Variants in SLC15A4 observed in about 807,000 individuals in gnomAD.
SLC15A4 encodes the protein solute carrier family 15 member 4.
SLC15A4 carries 26 observed loss-of-function variants against 46.1 expected under a neutral mutation model. That is an observed-to-expected ratio of 0.56 (90% CI 0.41 to 0.78). The LOEUF (loss-of-function observed/expected upper bound fraction) is 0.78. Among genes scored for constraint, SLC15A4 ranks in the 30% least tolerant of loss-of-function variants. The pLI is 0.00. For missense variants in SLC15A4, 751 were observed against 755.7 expected (o/e 0.99, Z 0.07); for synonymous variants, 370 against 333.4 (o/e 1.11, Z -1.20).
intron 1 of SLC15A4, among the ~76,000 whole-genome samples, chr12:128,817,906 G>A (rs1480306086): frequency 1.3e-5 from 2 of 152,156 alleles, no homozygotes; most frequent in Non-Finnish European, 2.9e-5. Context: ...CACTGTGTGA[G>A]CTGCAGCTAC....
chr12:128,802,697 C>CTTAT (rs1269510677), intron 5 of SLC15A4, among the ~76,000 whole-genome samples: 1 of 152,012 alleles, frequency 6.6e-6, no homozygotes, highest in East Asian at 1.9e-4. Flanking sequence ...GAGAACTTGT[C>CTTAT]TTATTATTCA....
chr12:128,805,246 G>A (rs1182638385), intron 5 of SLC15A4, among the ~76,000 whole-genome samples: 2 of 152,122 alleles, frequency 1.3e-5, no homozygotes, highest in Non-Finnish European at 2.9e-5. Flanking sequence ...ACTTAACTGT[G>A]AGCTACTAGT....
At position 128,796,450 on chromosome 12, in the gene SLC15A4, AAAAAAAAACC is replaced by A. The variant is rs1566043617; in HGVS notation, c.1574-2104_1574-2095del. On this transcript the variant is annotated intron_variant, in intron 7 of 7. Transcript: ENST00000266771. ...ATCTCAAAAAAAAAAAAAAAAAAAA[AAAAAAAAACC>A]CACACATCTGTATGGTGAGATCTCA... 2.0e-4 allele frequency among the ~76,000 whole-genome samples: 8 copies of A among 40,286 alleles called. 1 individual carries two copies. The South Asian group carries it at 4.8e-3, about 24-fold the overall frequency. 26.4% of individuals were successfully genotyped at this position (40,286 alleles called of 152,430 possible).
intron 7 of SLC15A4, among the ~76,000 whole-genome samples, chr12:128,797,650 C>G (rs922527075): frequency 6.6e-6 from 1 of 152,178 alleles, no homozygotes; most frequent in Non-Finnish European, 1.5e-5. Flanking sequence ...GTGTCGGTCA[C>G]GAGATGGTGA....
rs1009362377 is a variant in SLC15A4 at position 128,823,797 on chromosome 12, G to C, written c.147C>G (p.Ala49=). ...AVLLTELLER[A]AFYGITSNLV... is the part of the protein sequence containing the mutation. ...GGTTGGACGTGATGCCGTAGAAAGC[G>C]GCGCGCTCCAGCAGCTCCGTCAGCA... Residue 49 remains alanine, a synonymous_variant, in exon 1 of 8, where the codon GCC becomes GCG. Coordinates refer to ENST00000266771, the MANE Select transcript of SLC15A4 (RefSeq NM_145648.4). 6.7e-7 allele frequency: 1 copy of C among 1,502,498 alleles called. No individual in the cohort carries two copies. The highest frequency in any genetic ancestry group is 2.1e-5 in the Admixed American group (1 of 48,610). The allele number at this position is 1,502,498 out of a possible 1,614,324, so 93.1% of individuals were successfully genotyped here.
rs1196083607 is a variant in SLC15A4, at chr12:128,823,464, C to T, written c.480G>A (p.Gly160=). 2.7e-6 allele frequency: 4 copies of T among 1,481,060 alleles called. No homozygotes were observed. Among genetic ancestry groups the T allele is most frequent in the Non-Finnish European group, 2.7e-6 (3 of 1,122,940 alleles). 91.7% of individuals were successfully genotyped at this position (1,481,060 alleles called of 1,614,324 possible). A position where few individuals can be genotyped will look rare whatever the true frequency, so the allele number is the denominator to read the frequency against. The change falls in exon 1 of 8, where the codon GGG becomes GGA. Residue 160 remains glycine (G), a synonymous_variant. Coordinates refer to ENST00000266771, the MANE Select transcript of SLC15A4 (RefSeq NM_145648.4). ...ARCCSPATFA[G]LVLVGLGVAT... is the part of the protein sequence containing the mutation. ...CCACGCCCAGGCCCACCAGCACCAG[C>T]CCCGCGAAGGTGGCCGGTGAGCAGC...
chr12:128,797,888 C>A (rs534342291), intron 7 of SLC15A4, among the ~76,000 whole-genome samples: 1 of 152,180 alleles, frequency 6.6e-6, no homozygotes, highest in African/African-American at 2.4e-5. Context: ...GCCATGCAGC[C>A]AGGGGGCACA....
intron 1 of SLC15A4, chr12:128,815,391 TA>T (rs577407819): frequency 9.8e-5 from 28 of 285,152 alleles, no homozygotes; most frequent in Non-Finnish European, 1.7e-4. Context: ...GAATGCTCTT[TA>T]AAAACAGAGT....
chr12:128,809,464 T>C lies in SLC15A4; in HGVS notation c.1021A>G (p.Thr341Ala), dbSNP rs2135713894. ...AAATGAAGACTCTGTAAAACATATG[T>C]TGTCTGCATCTAGGTATAAAAAACA... ...YWTVYFQMQT[T>A]YVLQSLHLRI... is the part of the protein sequence containing the mutation. Residue 341 changes from threonine to alanine, a missense_variant, in exon 4 of 8, where the codon ACA becomes GCA. Transcript: ENST00000266771. The C allele has an allele frequency of 1.2e-6, 2 of 1,604,982 alleles. No homozygotes were observed. Among genetic ancestry groups the C allele is most frequent in the Admixed American group, 3.5e-5 (2 of 57,862 alleles).
chr12:128,801,038 A>G, intron 5 of SLC15A4, 29 bp from the exon 6 acceptor site: 1 of 1,557,250 alleles, frequency 6.4e-7, no homozygotes, highest in African/African-American at 1.4e-5. Context: ...TTAGTGTAAT[A>G]TTCATTTATT....
At chr12:128,808,458 C>T (rs1279003258) in intron 5 of SLC15A4, among the ~76,000 whole-genome samples, 1 of 152,136 alleles carries the variant, frequency 6.6e-6, no homozygotes, top group African/African-American at 2.4e-5. Context: ...GATACAGTAC[C>T]TTTAATTTAC....
chr12:128,808,726 T>C (rs1955617326), intron 5 of SLC15A4, 62 bp downstream of exon 5: 13 of 1,563,958 alleles, frequency 8.3e-6, no homozygotes, highest in East Asian at 2.3e-5. Flanking sequence ...GTGAGCACTA[T>C]ATTCTGAATC....
intron 4 of SLC15A4, 22 bp downstream of exon 4, chr12:128,809,374 A>T: frequency 2.0e-6 from 3 of 1,490,212 alleles, no homozygotes; most frequent in Non-Finnish European, 2.8e-6. Context: ...AACAATGTTC[A>T]GATCATTACA....
In SLC15A4 at chr12:128,815,333, GCT is replaced by G; in HGVS notation, c.547-265_547-264del. 4.0e-5 allele frequency: 7 copies of G among 173,594 alleles called. 1 individual carries two copies. The highest frequency in any genetic ancestry group is 4.0e-4 in the South Asian group (7 of 17,602). The allele number at this position is 173,594 out of a possible 1,614,324, so 10.8% of individuals were successfully genotyped here. The stretch of plus-strand genomic sequence containing the variant: ...TAGAGAGTTTTTCCAAGTATATTCT[GCT>G]GTAGAATTTTCTAAGTACCTGAACC... On this transcript the variant is annotated intron_variant, in intron 1 of 7. Transcript: ENST00000266771.
chr12:128,794,837 C>G (rs1461638598), intron 7 of SLC15A4, among the ~76,000 whole-genome samples: 1 of 152,222 alleles, frequency 6.6e-6, no homozygotes, highest in African/African-American at 2.4e-5. Flanking sequence ...TCCCCCCACA[C>G]CAGAACAGCT....
chr12:128,815,327 T>TGTGGAAAA, intron 1 of SLC15A4: 6 of 413,996 alleles, frequency 1.4e-5, no homozygotes, highest in Non-Finnish European at 2.2e-5. Flanking sequence ...TTTCCAAGTA[T>TGTGGAAAA]ATTCTGCTGT....
rs1008318541 is a variant in SLC15A4 at position 128,810,269 on chromosome 12, C to T, written c.843-158G>A. On this transcript the variant is annotated intron_variant, in intron 2 of 7. Transcript: ENST00000266771. ...AATTGTACACACCCAACACAGCTAC[C>T]TAAATTATTTCTAAATGTCACAGAA... The T allele has an allele frequency of 8.4e-5, 54 of 641,156 alleles. No homozygotes were observed. The Middle Eastern group carries it at 1.2e-3, about 15-fold the overall frequency. The allele number at this position is 641,156 out of a possible 1,614,324, so 39.7% of individuals were successfully genotyped here. A position where few individuals can be genotyped will look rare whatever the true frequency, so the allele number is the denominator to read the frequency against.
rs566158860 is a variant in SLC15A4, at chr12:128,823,947, A to ACGCCGCCAGCTGCCTCGCCC, written c.-5_-4insGGGCGAGGCAGCTGGCGGCG. The ACGCCGCCAGCTGCCTCGCCC allele has an allele frequency of 2.5e-3, 1,297 of 512,336 alleles. 23 individuals are homozygous for ACGCCGCCAGCTGCCTCGCCC. The African/African-American group carries it at 0.026, about 10-fold the overall frequency. The allele number at this position is 512,336 out of a possible 1,614,324, so 31.7% of individuals were successfully genotyped here. ...CACCGCCCCCAGAGCCCTCCATGCG[A>ACGCCGCCAGCTGCCTCGCCC]CGCCGCCAGCTGCCTCGCCCCGCCG... On this transcript the variant is annotated 5_prime_UTR_variant, in exon 1 of 8. Transcript: ENST00000266771.
At chr12:128,799,813 A>T (rs902423839) in intron 6 of SLC15A4, among the ~76,000 whole-genome samples, 2 of 152,204 alleles carry the variant, frequency 1.3e-5, no homozygotes, top group African/African-American at 4.8e-5. Context: ...GGAAATCTAC[A>T]TAAGGATTCT....
Sources: gnomAD v4.1 joint callset for allele counts (sites outside exome capture counted in the v4.1 genomes callset) on GRCh38, gnomAD v4.1.1 for gene constraint, MANE v1.5 for transcripts, NCBI Gene and HGNC (gene_info 2026-07-23, HGNC 2026-07-21) for gene names.